SAMD3: variants seen among roughly 807,000 people sequenced by gnomAD.
The protein encoded by SAMD3 is sterile alpha motif domain containing 3.
SAMD3 carries 63 observed loss-of-function variants against 58.5 expected under a neutral mutation model. The observed-to-expected ratio is 1.08, with a 90% CI of 0.88 to 1.33. The LOEUF is 1.33. Among genes scored for constraint, SAMD3 ranks in the 40% most tolerant of loss-of-function variants. SAMD3 has a pLI of 0.00. For missense variants in SAMD3, 604 were observed against 608.4 expected, an observed-to-expected ratio of 0.99 and a Z score of 0.08; for synonymous variants, 220 against 210.3, an observed-to-expected ratio of 1.05 and a Z score of -0.40.
chr6:130,264,131 T>C (rs897071688), intron 2 of SAMD3, among the ~76,000 whole-genome samples: 2 of 152,212 alleles, frequency 1.3e-5, no homozygotes, highest in Non-Finnish European at 1.5e-5. Flanking sequence ...GAGGCCCAGA[T>C]TGTCCCCCTC....
chr6:130,161,730 C>G (rs550789931), intron 8 of SAMD3: 1 of 152,242 alleles, frequency 6.6e-6, no homozygotes, highest in African/African-American at 2.4e-5. Flanking sequence ...TTGAGACCCT[C>G]AAAGGGGAAG....
intron 2 of SAMD3, chr6:130,215,751 C>G: frequency 6.6e-7 from 1 of 1,508,602 alleles, no homozygotes. Flanking sequence ...AAAAGCCTGA[C>G]AGAGATACTT....
At chr6:130,189,876 C>CT (rs1296681447) in intron 5 of SAMD3, among the ~76,000 whole-genome samples, 1 of 152,238 alleles carries the variant, frequency 6.6e-6, no homozygotes, top group Non-Finnish European at 1.5e-5. Flanking sequence ...AAGAGGAAGA[C>CT]ACTGGGCCTT....
intron 5 of SAMD3, among the ~76,000 whole-genome samples, chr6:130,189,209 C>T (rs1352162484): frequency 6.6e-6 from 1 of 151,888 alleles, no homozygotes; most frequent in South Asian, 2.1e-4. Context: ...TCCAACGTGA[C>T]TGTACTTGGA....
chr6:130,205,262 T>G (rs1794984900), intron 5 of SAMD3, among the ~76,000 whole-genome samples: 1 of 151,972 alleles, frequency 6.6e-6, no homozygotes, highest in South Asian at 2.1e-4. Flanking sequence ...AGTCTTTCAT[T>G]GGCTCACACA....
At chr6:130,233,854 T>C (rs1009403154) in intron 2 of SAMD3, among the ~76,000 whole-genome samples, 1 of 152,222 alleles carries the variant, frequency 6.6e-6, no homozygotes, top group Non-Finnish European at 1.5e-5. Flanking sequence ...TTACTTCCTT[T>C]TAAAAAGTGG....
chr6:130,356,596 T>C (rs1211097155), intron 1 of SAMD3, among the ~76,000 whole-genome samples: 1 of 152,194 alleles, frequency 6.6e-6, no homozygotes, highest in Non-Finnish European at 1.5e-5. Flanking sequence ...TGGAACATAG[T>C]AGTAGGAACA....
At chr6:130,252,921 A>G (rs1773789003) in intron 2 of SAMD3, among the ~76,000 whole-genome samples, 2 of 152,324 alleles carry the variant, frequency 1.3e-5, no homozygotes, top group African/African-American at 2.4e-5. Flanking sequence ...AGACGATGAC[A>G]TTGGTAAAAT....
At chr6:130,262,551 G>GAT (rs1053095185) in intron 2 of SAMD3, among the ~76,000 whole-genome samples, 1 of 150,220 alleles carries the variant, frequency 6.7e-6, no homozygotes, top group Admixed American at 6.6e-5. Context: ...CTCCCTTCAG[G>GAT]ACAGGATGAT....
At chr6:130,354,672 G>T (rs1777774264) in intron 1 of SAMD3, among the ~76,000 whole-genome samples, 1 of 152,028 alleles carries the variant, frequency 6.6e-6, no homozygotes, top group African/African-American at 2.4e-5. Context: ...GGTGGGGAAG[G>T]GAGAGGATTA....
At chr6:130,203,164 T>C (rs759414117) in intron 5 of SAMD3, among the ~76,000 whole-genome samples, 4 of 152,208 alleles carry the variant, frequency 2.6e-5, no homozygotes, top group Admixed American at 2.6e-4. Flanking sequence ...TTGGGACCAC[T>C]TGTTAGAATC....
At chr6:130,363,082 C>T (rs574817777) in intron 1 of SAMD3, among the ~76,000 whole-genome samples, 24 of 152,150 alleles carry the variant, frequency 1.6e-4, no homozygotes, top group Non-Finnish European at 2.9e-4. Context: ...GCACCCATGG[C>T]TGCTAGCAGA....
At chr6:130,283,968 A>G (rs569791982) in intron 2 of SAMD3, among the ~76,000 whole-genome samples, 6 of 152,134 alleles carry the variant, frequency 3.9e-5, no homozygotes, top group Admixed American at 3.9e-4. Flanking sequence ...CAGCCTCCCA[A>G]GTAGCTGTGA....
chr6:130,280,169 G>T (rs1453625177), intron 2 of SAMD3, among the ~76,000 whole-genome samples: 1 of 152,012 alleles, frequency 6.6e-6, no homozygotes, highest in Non-Finnish European at 1.5e-5. Flanking sequence ...TCACTGCTTG[G>T]CTCATCATAA....
intron 8 of SAMD3, among the ~76,000 whole-genome samples, chr6:130,158,429 T>C (rs1789986362): frequency 1.3e-5 from 2 of 151,768 alleles, no homozygotes; most frequent in Admixed American, 6.6e-5. Flanking sequence ...ATCACGAATC[T>C]GAGGAAGAGA....
At position 130,274,688 on chromosome 6, in the gene SAMD3, T is replaced by C. The variant is rs370651629; in HGVS notation, c.-188+38290A>G. ...GGGATTTTTCTCTGTGATGTGTTCA[T>C]CTGAGCACTGCAACTTCTTAATTGG... is the stretch of plus-strand genomic sequence containing the variant. On this transcript the variant is annotated intron_variant, in intron 2 of 13. Coordinates refer to the SAMD3 transcript ENST00000368134. Among the ~76,000 whole-genome samples, 10 of 152,174 alleles carry C rather than the reference T, an allele frequency of 6.6e-5. 1 individual carries two copies. The highest frequency in any genetic ancestry group is 2.9e-5 in the Non-Finnish European group (2 of 68,010).
At chr6:130,233,839 T>G (rs1487856716) in intron 2 of SAMD3, among the ~76,000 whole-genome samples, 1 of 152,238 alleles carries the variant, frequency 6.6e-6, no homozygotes, top group Non-Finnish European at 1.5e-5. Context: ...GCAATTAAGA[T>G]GAAATTACTT....
At chr6:130,260,921 G>A (rs1239400402) in intron 2 of SAMD3, among the ~76,000 whole-genome samples, 1 of 152,226 alleles carries the variant, frequency 6.6e-6, no homozygotes, top group African/African-American at 2.4e-5. Flanking sequence ...GAGTGGAAGT[G>A]TGGTCTGATG....
chr6:130,246,043 A>C (rs1167801894), intron 2 of SAMD3, among the ~76,000 whole-genome samples: 1 of 152,164 alleles, frequency 6.6e-6, no homozygotes. Flanking sequence ...CTGCCCACTT[A>C]ACAGCCATTC....
Sources: gnomAD v4.1 joint callset for allele counts (sites outside exome capture counted in the v4.1 genomes callset) on GRCh38, gnomAD v4.1.1 for gene constraint, MANE v1.5 for transcripts, NCBI Gene and HGNC (gene_info 2026-07-23, HGNC 2026-07-21) for gene names.